Variants in RANBP17 observed in about 807,000 individuals in gnomAD.
The protein encoded by RANBP17 is ran-binding protein 17.
Under a neutral mutation model 141.2 loss-of-function variants are expected in RANBP17, and 158 were observed. The ratio of observed to expected loss-of-function variants is 1.12; its 90% CI spans 0.98 to 1.28. The LOEUF (loss-of-function observed/expected upper bound fraction) is 1.28. RANBP17 is among the 50% of genes most tolerant of loss of function. The probability of loss-of-function intolerance (pLI) is 0.00; values close to 1 mark genes in which losing one functional copy is unlikely to be tolerated. For synonymous variants in RANBP17, 430 were observed against 450.0 expected, an observed-to-expected ratio of 0.96 and a Z score of 0.56; for missense variants, 1,438 against 1,290.7, an observed-to-expected ratio of 1.11 and a Z score of -1.75.
intron 14 of RANBP17, among the ~76,000 whole-genome samples, chr5:171,086,827 T>C (rs1342386491): frequency 1.4e-5 from 2 of 147,876 alleles, no homozygotes; most frequent in African/African-American, 5.0e-5. Context: ...TATCATTTTT[T>C]ATTGTGTCTA....
At chr5:171,222,567 T>C (rs775621448) in intron 22 of RANBP17, among the ~76,000 whole-genome samples, 1 of 152,208 alleles carries the variant, frequency 6.6e-6, no homozygotes, top group Non-Finnish European at 1.5e-5. Flanking sequence ...TTTTTTTCCC[T>C]CTCTGTTCTT....
At chr5:171,289,685 A>G (rs1331412997) in intron 25 of RANBP17, among the ~76,000 whole-genome samples, 1 of 152,146 alleles carries the variant, frequency 6.6e-6, no homozygotes, top group Non-Finnish European at 1.5e-5. Context: ...GCAGTGAGCC[A>G]TGATCACACC....
At chr5:170,953,426 A>G (rs970393313) in intron 12 of RANBP17, among the ~76,000 whole-genome samples, 171 bp from the exon 13 acceptor site, 3 of 152,134 alleles carry the variant, frequency 2.0e-5, no homozygotes, top group Non-Finnish European at 4.4e-5. Context: ...TCAGTGTTCT[A>G]CTGCCTTGAT....
chr5:171,196,166 A>G (rs1222287221), intron 18 of RANBP17, among the ~76,000 whole-genome samples: 1 of 152,228 alleles, frequency 6.6e-6, no homozygotes. Flanking sequence ...ATGGGGTTGG[A>G]AAGTGATGTG....
At chr5:171,080,764 C>T (rs941728158) in intron 14 of RANBP17, among the ~76,000 whole-genome samples, 1 of 152,122 alleles carries the variant, frequency 6.6e-6, no homozygotes, top group African/African-American at 2.4e-5. Flanking sequence ...CACAATGAAT[C>T]GCTGCTGCAA....
intron 14 of RANBP17, among the ~76,000 whole-genome samples, chr5:171,102,265 A>G (rs890780444): frequency 2.2e-4 from 34 of 152,036 alleles, no homozygotes; most frequent in African/African-American, 8.2e-4. Context: ...ACATAGTCCC[A>G]TATTTCTTGG....
At chr5:171,067,075 C>T (rs1784354343) in intron 14 of RANBP17, among the ~76,000 whole-genome samples, 1 of 152,028 alleles carries the variant, frequency 6.6e-6, no homozygotes, top group South Asian at 2.1e-4. Context: ...TTTCTATATG[C>T]TTTTGTTCCT....
chr5:171,210,543 A>G (rs1457138348), intron 20 of RANBP17, among the ~76,000 whole-genome samples: 1 of 152,136 alleles, frequency 6.6e-6, no homozygotes, highest in African/African-American at 2.4e-5. Flanking sequence ...CCATTTTCTC[A>G]TGAGCCTTCC....
chr5:170,996,647 T>G (rs1400278025), intron 14 of RANBP17, among the ~76,000 whole-genome samples: 3 of 152,186 alleles, frequency 2.0e-5, no homozygotes, highest in Non-Finnish European at 4.4e-5. Flanking sequence ...TGTTTAGCAT[T>G]TTACTTTCTG....
chr5:170,941,081 T>C (rs1774289840), intron 12 of RANBP17, among the ~76,000 whole-genome samples: 1 of 151,996 alleles, frequency 6.6e-6, no homozygotes, highest in African/African-American at 2.4e-5. Context: ...AATACAGAAA[T>C]ACAACATTTT....
intron 18 of RANBP17, among the ~76,000 whole-genome samples, chr5:171,198,150 C>A (rs1437852024): frequency 6.6e-6 from 1 of 152,122 alleles, no homozygotes; most frequent in Non-Finnish European, 1.5e-5. Flanking sequence ...TTCACCTGGG[C>A]CTTGAAAAAT....
intron 14 of RANBP17, chr5:171,029,111 G>A (rs1781399368): frequency 4.0e-6 from 1 of 250,036 alleles, no homozygotes; most frequent in South Asian, 5.4e-5. Flanking sequence ...AGTCCCCAGA[G>A]AGATAATACA....
chr5:171,147,120 G>A (rs562321772), intron 14 of RANBP17, among the ~76,000 whole-genome samples: 5 of 152,212 alleles, frequency 3.3e-5, no homozygotes, highest in African/African-American at 1.2e-4. Context: ...GTCATCTAGT[G>A]ATAGAATCCA....
At chr5:170,997,563 A>G (rs756202154) in intron 14 of RANBP17, among the ~76,000 whole-genome samples, 1 of 152,218 alleles carries the variant, frequency 6.6e-6, no homozygotes, top group Non-Finnish European at 1.5e-5. Context: ...AAGTCTTTCT[A>G]GCATGCTTGA....
intron 25 of RANBP17, among the ~76,000 whole-genome samples, chr5:171,277,876 A>G (rs1767618442): frequency 6.8e-6 from 1 of 147,568 alleles, no homozygotes; most frequent in Non-Finnish European, 1.5e-5. Flanking sequence ...AGGAAGAGCC[A>G]TACAGCATTC....
At chr5:170,891,997 T>C (rs965351166) in intron 3 of RANBP17, among the ~76,000 whole-genome samples, 2 of 152,198 alleles carry the variant, frequency 1.3e-5, no homozygotes, top group African/African-American at 2.4e-5. Flanking sequence ...AGAAGCCTAA[T>C]AAAAGAACTG....
chr5:171,039,523 C>T lies in RANBP17; in HGVS notation c.1710+71146C>T, dbSNP rs566055474. ...TGCATAGTTTACAAATATTTCCTCC[C>T]GGTTTATAGATTGTCTGTTTGTTGA... On this transcript the variant is annotated intron_variant, in intron 14 of 27. Transcript: ENST00000523189. 6.6e-5 allele frequency among the ~76,000 whole-genome samples: 10 copies of T among 151,778 alleles called. No homozygotes were observed. In the South Asian group the frequency reaches 1.2e-3, roughly 19 times the overall value.
At chr5:171,073,937 G>A (rs1332010957) in intron 14 of RANBP17, among the ~76,000 whole-genome samples, 1 of 151,478 alleles carries the variant, frequency 6.6e-6, no homozygotes, top group African/African-American at 2.4e-5. Context: ...ATAAACAAAT[G>A]AATTGATGAA....
intron 14 of RANBP17, among the ~76,000 whole-genome samples, chr5:171,081,799 T>C (rs1785271490): frequency 6.6e-6 from 1 of 152,170 alleles, no homozygotes. Flanking sequence ...TTCTTACCAG[T>C]TTATTGTAAT....
Sources: gnomAD v4.1 joint callset for allele counts (sites outside exome capture counted in the v4.1 genomes callset) on GRCh38, gnomAD v4.1.1 for gene constraint, MANE v1.5 for transcripts, NCBI Gene and HGNC (gene_info 2026-07-23, HGNC 2026-07-21) for gene names.